The following CHD8 variants were observed in gnomAD, a reference collection of about 807,000 sequenced individuals.
CHD8 encodes ATP-dependent chromatin remodeler CHD8.
Under a neutral mutation model 279.2 loss-of-function variants are expected in CHD8, and 31 were observed. That is an observed-to-expected ratio of 0.11 (90% confidence interval 0.08 to 0.15). CHD8 has a LOEUF of 0.15. Ranked by LOEUF, CHD8 falls within the 10% of genes least tolerant of loss-of-function variation. The pLI is 1.00. For missense variants in CHD8, 2,146 were observed against 3,230.5 expected (o/e 0.66, Z 8.14); for synonymous variants, 1,081 against 1,139.6 (o/e 0.95, Z 1.04).
At chr14:21,404,195 C>T (rs1228958359) in intron 16 of CHD8, among the ~76,000 whole-genome samples, 3 of 151,360 alleles carry the variant, frequency 2.0e-5, no homozygotes, top group Non-Finnish European at 4.4e-5. Flanking sequence ...GTCAGAAGTT[C>T]GAGACCAGCC....
At chr14:21,416,712 T>TAC in intron 5 of CHD8, 2 of 152,338 alleles carry the variant, frequency 1.3e-5, no homozygotes, top group South Asian at 4.1e-4. Flanking sequence ...TTGAATGGTA[T>TAC]AAAACTAATT....
Position 21,408,101 on chromosome 14 carries a change from C to T in CHD8, c.2730+211G>A, listed in dbSNP as rs1888330212. On this transcript the variant is annotated intron_variant, in intron 13 of 37. Transcript: ENST00000646647. This position sits in a 1 kb window ranked among gnomAD's most constrained non-coding sequence, Gnocchi z 4.3. ...TCATAAATAAAATCAGAACTTCTACCAGATCAAATGTCTACTAGGTAAAAA... is the reference window on the plus strand; with the variant it reads ...TCATAAATAAAATCAGAACTTCTACTAGATCAAATGTCTACTAGGTAAAAA... 6.6e-6 allele frequency among the ~76,000 whole-genome samples: 1 copy of T among 151,988 alleles called. No individual in the cohort carries two copies. The highest frequency in any genetic ancestry group is 1.9e-4 in the East Asian group (1 of 5,200).
In CHD8 at chr14:21,415,548, T is replaced by TAAATAA. The variant is rs1371760980; in HGVS notation, c.1968+25_1968+26insTTATTT. ...AAATAAATAAATAAATAAATAAAAA[T>TAAATAA]AATAATAATAATAAAAAGCCCTCAC... On this transcript the variant is annotated intron_variant, in intron 7 of 37. Coordinates refer to ENST00000646647, the MANE Select transcript of CHD8 (RefSeq NM_001170629.2). The TAAATAA allele has an allele frequency of 1.4e-5, 14 of 990,510 alleles. No homozygotes were observed. In the African/African-American group the frequency reaches 2.4e-4, roughly 17 times the overall value. 61.4% of individuals were successfully genotyped at this position (990,510 alleles called of 1,614,324 possible).
intron 5 of CHD8, among the ~76,000 whole-genome samples, chr14:21,417,865 A>AAATAT (rs1491406256): frequency 4.5e-4 from 44 of 98,372 alleles, no homozygotes; most frequent in Middle Eastern, 5.4e-3. Context: ...AAAAAAAAAA[A>AAATAT]ATATATATAT....
At chr14:21,451,787 A>C (rs1295159069) in intron 1 of CHD8, among the ~76,000 whole-genome samples, 1 of 152,016 alleles carries the variant, frequency 6.6e-6, no homozygotes, top group East Asian at 1.9e-4. Context: ...GGGCCTAGTG[A>C]AGGATGGAAA....
intron 1 of CHD8, among the ~76,000 whole-genome samples, chr14:21,452,401 G>C (rs1402830002): frequency 6.6e-6 from 1 of 152,090 alleles, no homozygotes; most frequent in Non-Finnish European, 1.5e-5. Flanking sequence ...CTGGCACTTT[G>C]GGAGGCCGAG....
intron 5 of CHD8, among the ~76,000 whole-genome samples, chr14:21,425,152 G>T (rs1889252381): frequency 6.6e-6 from 1 of 152,072 alleles, no homozygotes; most frequent in Admixed American, 6.6e-5. Context: ...AACTACCCTA[G>T]TTCACAGAGT....
intron 1 of CHD8, among the ~76,000 whole-genome samples, chr14:21,450,991 A>C (rs1890242950): frequency 6.6e-6 from 1 of 152,204 alleles, no homozygotes; most frequent in African/African-American, 2.4e-5. Flanking sequence ...AATGAAATAA[A>C]CAACAAATAA....
intron 1 of CHD8, chr14:21,437,254 CT>C (rs1889825084): frequency 8.6e-7 from 1 of 1,166,864 alleles, no homozygotes; most frequent in Non-Finnish European, 1.1e-6. Flanking sequence ...CCAGTTCCCC[CT>C]CCTCCTGCGC....
At chr14:21,426,101 TAC>T in intron 5 of CHD8, 25 bp downstream of exon 5, 1 of 1,334,514 alleles carries the variant, frequency 7.5e-7, no homozygotes, top group Admixed American at 1.8e-5. Context: ...TGGTTTTTTC[TAC>T]TAAATTCTTT....
chr14:21,393,472 T>C lies in CHD8; in HGVS notation c.6319+4A>G, dbSNP rs779588873. 3.2e-6 allele frequency: 5 copies of C among 1,555,426 alleles called. No homozygotes were observed. The Admixed American group carries it at 7.8e-5, about 24-fold the overall frequency. ...GGGGCCAACAGCCTGTCACATGCAC[T>C]CACTTAGCTTCTCTTCCTTCTCATC... On this transcript the variant is annotated splice_donor_region_variant and intron_variant, in intron 32 of 37. Coordinates refer to ENST00000646647, the MANE Select transcript of CHD8 (RefSeq NM_001170629.2).
chr14:21,431,344 G>A lies in CHD8; in HGVS notation c.300C>T (p.Ala100=), dbSNP rs1246052038. 1.3e-6 allele frequency: 2 copies of A among 1,538,826 alleles called. No individual in the cohort carries two copies. The highest frequency in any genetic ancestry group is 2.4e-5 in the East Asian group (1 of 41,030). The change falls in exon 2 of 38, where the codon GCC becomes GCT. Residue 100 remains alanine (A), a synonymous_variant. Coordinates refer to ENST00000646647, the MANE Select transcript of CHD8 (RefSeq NM_001170629.2). ...ITLHDYTTQP[A]SQEQPAQPVL... is the part of the protein sequence containing the mutation. ...CAGGTTGGGCTGGCTGCTCCTGGCT[G>A]GCAGGCTGAGTGGTATAATCATGCA...
At chr14:21,417,247 T>C (rs1480530217) in intron 5 of CHD8, among the ~76,000 whole-genome samples, 1 of 152,200 alleles carries the variant, frequency 6.6e-6, no homozygotes, top group Non-Finnish European at 1.5e-5. Context: ...CAACACCCTT[T>C]GAACCTATCA....
chr14:21,385,344 G>C lies in CHD8; in HGVS notation c.*269C>G. ...AGTCTGTGGTTAATGGAGGTGACTA[G>C]GGAGGGGTGAGCACACCAGCTGCTC... On this transcript the variant is annotated 3_prime_UTR_variant, in exon 38 of 38. Transcript: ENST00000646647. 2.0e-6 allele frequency: 1 copy of C among 499,200 alleles called. No homozygotes were observed. The highest frequency in any genetic ancestry group is 3.5e-6 in the Non-Finnish European group (1 of 285,798). 30.9% of individuals were successfully genotyped at this position (499,200 alleles called of 1,614,324 possible).
intron 5 of CHD8, among the ~76,000 whole-genome samples, chr14:21,421,211 T>A (rs1889028423): frequency 6.6e-6 from 1 of 152,154 alleles, no homozygotes; most frequent in East Asian, 1.9e-4. Context: ...TTCTTATCCA[T>A]TTCTTGTATA....
intron 1 of CHD8, among the ~76,000 whole-genome samples, chr14:21,449,040 G>A (rs977769912): frequency 5.9e-5 from 9 of 152,164 alleles, no homozygotes; most frequent in African/African-American, 2.2e-4. Flanking sequence ...CGGGCGTGGT[G>A]GCGGGCGCCT....
Position 21,405,097 on chromosome 14 carries a change from C to T in CHD8, c.3307+112G>A, listed in dbSNP as rs1339832193. On this transcript the variant is annotated intron_variant, in intron 16 of 37. Coordinates refer to ENST00000646647, the MANE Select transcript of CHD8 (RefSeq NM_001170629.2). This position sits in a 1 kb window ranked among gnomAD's most constrained non-coding sequence, Gnocchi z 4.2. ...CATTTCCCTCCCATTCCTCAGTCCGCACCCCAAATTAGGTTGGTTGAGTCA... is the reference window on the plus strand; with the variant it reads ...CATTTCCCTCCCATTCCTCAGTCCGTACCCCAAATTAGGTTGGTTGAGTCA... The T allele has an allele frequency of 2.8e-5, 28 of 1,010,214 alleles. No individual in the cohort carries two copies. The highest frequency in any genetic ancestry group is 3.5e-5 in the Non-Finnish European group (24 of 684,514). 62.6% of individuals were successfully genotyped at this position (1,010,214 alleles called of 1,614,324 possible). A position where few individuals can be genotyped will look rare whatever the true frequency, so the allele number is the denominator to read the frequency against.
chr14:21,446,051 G>T (rs1161900830), intron 1 of CHD8, among the ~76,000 whole-genome samples: 1 of 151,932 alleles, frequency 6.6e-6, no homozygotes, highest in Non-Finnish European at 1.5e-5. Context: ...AATTAGCCAG[G>T]TGCGGTGGCA....
rs772253012 is a variant in CHD8 at position 21,391,664 on chromosome 14, C to A, written c.6886-22G>T. The A allele has an allele frequency of 4.4e-6, 7 of 1,578,980 alleles. No homozygotes were observed. The Admixed American group carries it at 1.1e-4, about 24-fold the overall frequency. On this transcript the variant is annotated intron_variant, in intron 35 of 37. Coordinates refer to ENST00000646647, the MANE Select transcript of CHD8 (RefSeq NM_001170629.2). ...CCAGCTGCAAACCCAGAATCCACCC[C>A]CATGAGCACATACTCTTCTTTGGGG...
Sources: allele counts gnomAD v4.1 joint callset (sites outside exome capture counted in the v4.1 genomes callset), GRCh38; gene constraint gnomAD v4.1.1; non-coding constraint Gnocchi (gnomAD v3.1); transcripts MANE v1.5; gene names NCBI Gene and HGNC (gene_info 2026-07-23, HGNC 2026-07-21).